The following PTPRN2 variants were observed in gnomAD, a reference collection of about 807,000 sequenced individuals.
PTPRN2 encodes the protein protein tyrosine phosphatase receptor type N2.
PTPRN2 carries 74 observed loss-of-function variants against 118.8 expected under a neutral mutation model. That is an observed-to-expected ratio of 0.62 (90% CI 0.52 to 0.76). The LOEUF is 0.76. Among genes scored for constraint, PTPRN2 ranks in the 30% least tolerant of loss-of-function variants. The pLI is 0.00. For synonymous variants in PTPRN2, 641 were observed against 608.0 expected, an observed-to-expected ratio of 1.05 and a Z score of -0.80; for missense variants, 1,481 against 1,394.4, an observed-to-expected ratio of 1.06 and a Z score of -0.99.
rs777107483 is a variant in PTPRN2 at position 157,794,800 on chromosome 7, T to A, written c.1788+103873A>T. On this transcript the variant is annotated intron_variant, in intron 12 of 22. Coordinates refer to ENST00000389418, the MANE Select transcript of PTPRN2 (RefSeq NM_002847.5). The surrounding 1 kb of genome is among the most constrained non-coding windows in gnomAD (Gnocchi z 5.2). ...GCTACCTTCTCTCCCAGTAACCTTT[T>A]CCAGAGGAAACCTCTTTGAAATATC... Among the ~76,000 whole-genome samples the A allele has an allele frequency of 3.2e-4, 48 of 152,302 alleles. No homozygotes were observed. Among genetic ancestry groups the A allele is most frequent in the Non-Finnish European group, 5.3e-4 (36 of 68,022 alleles).
intron 12 of PTPRN2, among the ~76,000 whole-genome samples, chr7:157,741,100 TCA>T (rs1466479605): frequency 6.6e-6 from 1 of 152,160 alleles, no homozygotes; most frequent in Non-Finnish European, 1.5e-5. Context: ...TGCTTCTAAC[TCA>T]CAGTCGGAGC....
Position 158,081,324 on chromosome 7 carries a change from G to C in PTPRN2, c.1697C>G (p.Thr566Ser). ...TGTGGCCTTCTCCACATCCTCAGTG[G>C]TCACGTTTTGGACATTGGCGCTCAC... ...FKVSANVQNV[T>S]TEDVEKATVD... Residue 566 changes from threonine to serine, a missense_variant, in exon 11 of 23, where the codon ACC (threonine) becomes AGC (serine). By Grantham distance (58) the Thr-to-Ser change is moderately conservative. Around this residue, in one of 3 missense-constraint regions of PTPRN2, gnomAD observed 1,115 missense variants for 994.2 expected, o/e 1.12. Coordinates refer to ENST00000389418, the MANE Select transcript of PTPRN2 (RefSeq NM_002847.5). 6.2e-7 allele frequency: 1 copy of C among 1,614,164 alleles called. No homozygotes were observed. Among genetic ancestry groups the C allele is most frequent in the Middle Eastern group, 1.6e-4 (1 of 6,062 alleles).
Position 157,874,958 on chromosome 7 carries a change from T to TG in PTPRN2, c.1788+23714dup, listed in dbSNP as rs552893036. On this transcript the variant is annotated intron_variant, in intron 12 of 22. Transcript: ENST00000389418. The surrounding 1 kb of genome is among the most constrained non-coding windows in gnomAD (Gnocchi z 5.8). Reference sequence around the variant, plus strand: ...ACACTTGTGCACGGAGACACACTTGTGCACATACACAGAGACACAGGCACA... The same window carrying TG: ...ACACTTGTGCACGGAGACACACTTGTGGCACATACACAGAGACACAGGCACA... Among the ~76,000 whole-genome samples, 82 of 151,194 alleles carry TG rather than the reference T, an allele frequency of 5.4e-4. 3 individuals carry two copies. In the South Asian group the frequency reaches 0.017, roughly 31 times the overall value.
intron 11 of PTPRN2, among the ~76,000 whole-genome samples, chr7:158,063,487 A>T (rs1000680984): frequency 6.6e-6 from 1 of 152,242 alleles, no homozygotes. Context: ...AGGGGAAAAA[A>T]GCAGGCTGCC....
At chr7:157,600,371 G>T (rs10949655) in intron 16 of PTPRN2, among the ~76,000 whole-genome samples, 33,054 of 152,184 alleles carry the variant, frequency 0.22, 4,221 homozygotes, top group East Asian at 0.44. Flanking sequence ...AAATACTAAG[G>T]CTTAATATGG....
In PTPRN2 at chr7:157,596,214, C is replaced by T. The variant is rs915715241; in HGVS notation, c.2419-899G>A. 7.2e-5 allele frequency among the ~76,000 whole-genome samples: 11 copies of T among 152,286 alleles called. No homozygotes were observed. The highest frequency in any genetic ancestry group is 1.3e-4 in the Non-Finnish European group (9 of 68,022). ...TGCTGCTTCCCTGCTGGAGTTAACT[C>T]GTTGTGTGTGGGGGCTTGTTTTTGT... On this transcript the variant is annotated intron_variant, in intron 16 of 22. Transcript: ENST00000389418. This position sits in a 1 kb window ranked among gnomAD's most constrained non-coding sequence, Gnocchi z 4.2.
At position 158,437,566 on chromosome 7, in the gene PTPRN2, C is replaced by G. The variant is rs145654832; in HGVS notation, c.163+52169G>C. Reference sequence around the variant, plus strand: ...GTAGATCCCCTTAACTCAAGGGAGGCCTGAGACAAGAAGACAGACCCATCA... The same window carrying G: ...GTAGATCCCCTTAACTCAAGGGAGGGCTGAGACAAGAAGACAGACCCATCA... On this transcript the variant is annotated intron_variant, in intron 2 of 22. Transcript: ENST00000389418. 1.9e-4 allele frequency among the ~76,000 whole-genome samples: 29 copies of G among 152,190 alleles called. No individual in the cohort carries two copies. In the South Asian group the frequency reaches 2.7e-3, roughly 14 times the overall value.
chr7:158,185,290 T>C (rs369443857), intron 5 of PTPRN2, among the ~76,000 whole-genome samples: 1 of 152,214 alleles, frequency 6.6e-6, no homozygotes, highest in Non-Finnish European at 1.5e-5. Context: ...TTGGGAAATA[T>C]TCTATATAAC....
At chr7:158,164,224 C>CGCGT (rs1822667076) in intron 6 of PTPRN2, among the ~76,000 whole-genome samples, 1 of 146,854 alleles carries the variant, frequency 6.8e-6, no homozygotes, top group African/African-American at 2.6e-5. Flanking sequence ...CAGGAGCGCG[C>CGCGT]AGGAAGGGCT....
At chr7:158,335,645 A>ACC (rs1432032666) in intron 2 of PTPRN2, among the ~76,000 whole-genome samples, 1 of 13,324 alleles carries the variant, frequency 7.5e-5, no homozygotes, top group Non-Finnish European at 2.0e-4. Context: ...TCACTCACGT[A>ACC]CACACTTCTC....
At chr7:157,694,329 G>C (rs1008065853) in intron 12 of PTPRN2, among the ~76,000 whole-genome samples, 1 of 152,140 alleles carries the variant, frequency 6.6e-6, no homozygotes, top group Non-Finnish European at 1.5e-5. Context: ...ACACTTCCTC[G>C]TCCACGCCTT....
chr7:158,222,266 C>A (rs1054493870), intron 3 of PTPRN2, among the ~76,000 whole-genome samples: 9 of 152,172 alleles, frequency 5.9e-5, no homozygotes, highest in African/African-American at 2.2e-4. Flanking sequence ...CAAAAAGACA[C>A]AAGCACCTGT....
Position 157,705,538 on chromosome 7 carries a change from G to A in PTPRN2, c.1789-22601C>T, listed in dbSNP as rs181124200. 3.3e-5 allele frequency among the ~76,000 whole-genome samples: 5 copies of A among 152,266 alleles called. No homozygotes were observed. The East Asian group carries it at 9.7e-4, about 30-fold the overall frequency. Reference sequence around the variant, plus strand: ...AGATCAACGCGGATCACATCCCCCAGAATGCTGGGAATTGAGTGAATCTGA... The same window carrying A: ...AGATCAACGCGGATCACATCCCCCAAAATGCTGGGAATTGAGTGAATCTGA... On this transcript the variant is annotated intron_variant, in intron 12 of 22. Coordinates refer to ENST00000389418, the MANE Select transcript of PTPRN2 (RefSeq NM_002847.5).
chr7:158,571,805 A>C, intron 1 of PTPRN2, among the ~76,000 whole-genome samples: 1 of 152,210 alleles, frequency 6.6e-6, no homozygotes, highest in East Asian at 1.9e-4. Context: ...CTTGGCAAAA[A>C]TTAGGAAACA....
rs1803662194 is a variant in PTPRN2 at position 157,627,543 on chromosome 7, G to T, written c.2197-6034C>A. The stretch of plus-strand genomic sequence containing the variant: ...GGTGTGTCTTTCGTCTTTTAGAGCT[G>T]CTTGCTCTATAATTTTGGGTTTTGA... On this transcript the variant is annotated intron_variant, in intron 14 of 22. Transcript: ENST00000389418. This position sits in a 1 kb window ranked among gnomAD's most constrained non-coding sequence, Gnocchi z 4.2. Among the ~76,000 whole-genome samples, 1 of 152,140 alleles carries T rather than the reference G, an allele frequency of 6.6e-6. No individual in the cohort carries two copies. The highest frequency in any genetic ancestry group is 1.5e-5 in the Non-Finnish European group (1 of 68,032).
At chr7:158,362,001 C>T (rs142572850) in intron 2 of PTPRN2, among the ~76,000 whole-genome samples, 2,257 of 152,322 alleles carry the variant, frequency 0.015, 63 homozygotes, top group African/African-American at 0.052. Context: ...AGCCCCTTCC[C>T]CATCGTGGGT....
intron 9 of PTPRN2, among the ~76,000 whole-genome samples, chr7:158,123,092 T>C (rs1327215076): frequency 6.6e-6 from 1 of 152,086 alleles, no homozygotes; most frequent in Non-Finnish European, 1.5e-5. Context: ...GGAAAATGAG[T>C]CAACTTTGAT....
chr7:158,161,581 C>G (rs56968740), intron 6 of PTPRN2, among the ~76,000 whole-genome samples: 16,361 of 152,210 alleles, frequency 0.11, 1,304 homozygotes, highest in African/African-American at 0.22. Context: ...ACAACTAACT[C>G]AGAATGGGTC....
Position 157,903,321 on chromosome 7 carries a change from C to T in PTPRN2, c.1724-4584G>A, listed in dbSNP as rs539651652. ...AAGGGCTGAAACTCCCTCTGGGGGA[C>T]GTGCTCACTACCTGCAAGACGGGAG... On this transcript the variant is annotated intron_variant, in intron 11 of 22. Coordinates refer to ENST00000389418, the MANE Select transcript of PTPRN2 (RefSeq NM_002847.5). This position sits in a 1 kb window ranked among gnomAD's most constrained non-coding sequence, Gnocchi z 4.2. 6.6e-5 allele frequency among the ~76,000 whole-genome samples: 10 copies of T among 152,192 alleles called. No individual in the cohort carries two copies. In the South Asian group the frequency reaches 8.3e-4, roughly 13 times the overall value.
Sources: gnomAD v4.1 joint callset for allele counts (sites outside exome capture counted in the v4.1 genomes callset) on GRCh38, gnomAD v4.1.1 for gene constraint, gnomAD v4.1.1 regional missense constraint, Gnocchi (gnomAD v3.1) non-coding constraint, MANE v1.5 for transcripts, NCBI Gene and HGNC (gene_info 2026-07-23, HGNC 2026-07-21) for gene names.